Variants in ULK4 observed in about 807,000 individuals in gnomAD.
ULK4 encodes the protein inactive serine/threonine-protein kinase ULK4.
A neutral mutation model predicts 160.6 loss-of-function variants in ULK4; 133 were observed. The observed-to-expected ratio is 0.83, with a 90% CI of 0.72 to 0.96. The LOEUF is 0.96. ULK4 is among the 40% of genes least tolerant of loss of function. The pLI is 0.00. For missense variants in ULK4, 1,580 were observed against 1,499.5 expected, an observed-to-expected ratio of 1.05 and a Z score of -0.89; for synonymous variants, 534 against 539.8, an observed-to-expected ratio of 0.99 and a Z score of 0.15.
chr3:41,706,126 G>A (rs2036868780), intron 25 of ULK4, among the ~76,000 whole-genome samples: 1 of 151,792 alleles, frequency 6.6e-6, no homozygotes, highest in South Asian at 2.1e-4. Flanking sequence ...TCCTTTGCCG[G>A]ATGACTCCCA....
intron 27 of ULK4, among the ~76,000 whole-genome samples, chr3:41,685,752 C>A (rs771686022): frequency 5.3e-5 from 8 of 152,100 alleles, no homozygotes; most frequent in Non-Finnish European, 1.2e-4. Context: ...AATTTCCAAC[C>A]AGCTCTTCAG....
chr3:41,564,840 C>T (rs2125601061), intron 32 of ULK4, among the ~76,000 whole-genome samples: 1 of 152,146 alleles, frequency 6.6e-6, no homozygotes. Flanking sequence ...ACAGGAACAT[C>T]CTAGGCCTTC....
intron 35 of ULK4, among the ~76,000 whole-genome samples, chr3:41,286,355 A>G (rs1168402102): frequency 6.6e-6 from 1 of 152,140 alleles, no homozygotes; most frequent in African/African-American, 2.4e-5. Context: ...TTCCAGAGCC[A>G]GGATTTGGCA....
rs563319463 is a variant in ULK4 at position 41,315,774 on chromosome 3, A to G, written c.3679-66200T>C. On this transcript the variant is annotated intron_variant, in intron 35 of 36. Coordinates refer to ENST00000301831, the MANE Select transcript of ULK4 (RefSeq NM_017886.4). ...AGATGTACGAGTGGCCAATAAGCAC[A>G]TGAAAACATAGATGCTCAATATCAT... 3.9e-4 allele frequency among the ~76,000 whole-genome samples: 60 copies of G among 152,320 alleles called. 1 individual carries two copies. Among genetic ancestry groups the G allele is most frequent in the Admixed American group, 2.2e-3 (33 of 15,300 alleles).
intron 32 of ULK4, among the ~76,000 whole-genome samples, chr3:41,464,048 C>T (rs567446140): frequency 1.3e-4 from 20 of 150,332 alleles, no homozygotes; most frequent in African/African-American, 4.9e-4. Flanking sequence ...AAATATTTTA[C>T]ACACGCAGAT....
chr3:41,629,370 C>A (rs1019370655), intron 30 of ULK4, among the ~76,000 whole-genome samples: 1 of 151,884 alleles, frequency 6.6e-6, no homozygotes, highest in African/African-American at 2.4e-5. Context: ...TCTATAGCTG[C>A]ATTCTCCATG....
At chr3:41,743,657 T>C (rs2038318669) in intron 22 of ULK4, among the ~76,000 whole-genome samples, 1 of 151,814 alleles carries the variant, frequency 6.6e-6, no homozygotes, top group Non-Finnish European at 1.5e-5. Flanking sequence ...AGAGAGAACA[T>C]CCTTAAGACA....
intron 35 of ULK4, among the ~76,000 whole-genome samples, chr3:41,320,596 G>A (rs2080227459): frequency 1.3e-5 from 2 of 152,162 alleles, no homozygotes; most frequent in South Asian, 2.1e-4. Context: ...TTCTTCTCAA[G>A]TGATCCCAAG....
intron 30 of ULK4, among the ~76,000 whole-genome samples, chr3:41,658,481 T>C (rs1339496594): frequency 6.6e-6 from 1 of 152,222 alleles, no homozygotes; most frequent in East Asian, 1.9e-4. Flanking sequence ...TATTCACACA[T>C]ATGATCAATG....
intron 32 of ULK4, among the ~76,000 whole-genome samples, chr3:41,562,259 C>T (rs549712080): frequency 2.0e-5 from 3 of 152,258 alleles, no homozygotes; most frequent in Admixed American, 6.5e-5. Flanking sequence ...TCTACATTTG[C>T]TGAGGAGTGC....
chr3:41,421,818 T>G (rs1204149868), intron 34 of ULK4, among the ~76,000 whole-genome samples: 2 of 152,190 alleles, frequency 1.3e-5, no homozygotes, highest in African/African-American at 4.8e-5. Flanking sequence ...CCAAATCATT[T>G]AGATAGCACA....
intron 17 of ULK4, among the ~76,000 whole-genome samples, chr3:41,881,894 T>G (rs1299276905): frequency 1.3e-5 from 2 of 152,156 alleles, no homozygotes; most frequent in Non-Finnish European, 2.9e-5. Context: ...GAGAAATACT[T>G]TGAGAATATA....
chr3:41,849,844 G>A (rs1207719659), intron 17 of ULK4, among the ~76,000 whole-genome samples: 1 of 152,066 alleles, frequency 6.6e-6, no homozygotes, highest in Non-Finnish European at 1.5e-5. Context: ...TTAAGCTCTA[G>A]GGTACATGTA....
intron 35 of ULK4, among the ~76,000 whole-genome samples, chr3:41,305,988 C>T (rs1468926138): frequency 3.1e-5 from 4 of 127,768 alleles, no homozygotes; most frequent in East Asian, 3.0e-4. Context: ...GCCCGGCAAC[C>T]GCCCCGTCTG....
chr3:41,374,529 G>GA (rs984091429), intron 35 of ULK4, among the ~76,000 whole-genome samples: 11 of 151,624 alleles, frequency 7.3e-5, no homozygotes, highest in Non-Finnish European at 1.5e-5. Context: ...AGAACCCATG[G>GA]AAAAAAACAC....
At chr3:41,286,596 C>A (rs2125699225) in intron 35 of ULK4, among the ~76,000 whole-genome samples, 1 of 152,258 alleles carries the variant, frequency 6.6e-6, no homozygotes, top group Middle Eastern at 3.4e-3. Flanking sequence ...CTCCAGGGCC[C>A]CGCCAGCACC....
chr3:41,294,811 T>C, intron 35 of ULK4, among the ~76,000 whole-genome samples: 1 of 152,196 alleles, frequency 6.6e-6, no homozygotes, highest in Non-Finnish European at 1.5e-5. Context: ...CCTAAATAAA[T>C]GGAGAGACAT....
chr3:41,621,601 AC>A (rs2125691312), intron 30 of ULK4, among the ~76,000 whole-genome samples: 1 of 152,338 alleles, frequency 6.6e-6, no homozygotes, highest in Admixed American at 6.5e-5. Context: ...TACACTTTAT[AC>A]AAAAATTAAC....
At chr3:41,793,542 A>AGGGGCAG (rs1256645948) in intron 20 of ULK4, among the ~76,000 whole-genome samples, 3 of 152,168 alleles carry the variant, frequency 2.0e-5, no homozygotes, top group Non-Finnish European at 4.4e-5. Flanking sequence ...ATATCAGAAT[A>AGGGGCAG]GGGGCAGGGG....
Sources: allele counts gnomAD v4.1 joint callset (sites outside exome capture counted in the v4.1 genomes callset), GRCh38; gene constraint gnomAD v4.1.1; transcripts MANE v1.5; gene names NCBI Gene and HGNC (gene_info 2026-07-23, HGNC 2026-07-21).